UNC5CL: variants seen among roughly 807,000 people sequenced by gnomAD.
UNC5CL encodes unc-5 family C-terminal like.
In UNC5CL, 42 loss-of-function variants were observed where a neutral mutation model predicts 54.1. That is an observed-to-expected ratio of 0.78 (90% CI 0.61 to 1.00). The LOEUF (loss-of-function observed/expected upper bound fraction) is 1.00. Among genes scored for constraint, UNC5CL ranks in the 50% least tolerant of loss-of-function variants. The probability of loss-of-function intolerance (pLI) is 0.00; values close to 1 mark genes in which losing one functional copy is unlikely to be tolerated. For missense variants in UNC5CL, 619 were observed against 675.6 expected, an observed-to-expected ratio of 0.92 and a Z score of 0.93; for synonymous variants, 285 against 285.1, an observed-to-expected ratio of 1.00 and a Z score of 0.00.
At chr6:41,032,006 G>A (rs372193854) in intron 5 of UNC5CL, 30 bp downstream of exon 5, 52 of 1,604,040 alleles carry the variant, frequency 3.2e-5, no homozygotes, top group African/African-American at 8.0e-5. Flanking sequence ...AAAGAGAGGG[G>A]AGGAGGTACA....
intron 1 of UNC5CL, among the ~76,000 whole-genome samples, chr6:41,036,703 G>A (rs1347520016): frequency 6.6e-6 from 1 of 151,568 alleles, no homozygotes; most frequent in African/African-American, 2.4e-5. Context: ...GTAGCTCACA[G>A]GGATAGGCAA....
Position 41,032,047 on chromosome 6 carries a change from C to T in UNC5CL, c.1040G>A (p.Arg347Gln), listed in dbSNP as rs766917050. The change falls in exon 5 of 9, where the codon CGG becomes CAG. Residue 347 changes from arginine to glutamine, a missense_variant. Arg to Gln is a conservative substitution (Grantham distance 43, BLOSUM62 1). Coordinates refer to ENST00000244565, the MANE Select transcript of UNC5CL (RefSeq NM_173561.3). ...GGCTCCCGGACTACCTGCTTTTCTC[C>T]GGAAGCAGAAGGAGCGGAAGGGGCA... Reference protein sequence around the residue: ...GKCPFRSFCFRRKAADENEDC... With the variant: ...GKCPFRSFCFQRKAADENEDC... 8.1e-6 allele frequency: 13 copies of T among 1,613,984 alleles called. No homozygotes were observed. The highest frequency in any genetic ancestry group is 4.5e-5 in the East Asian group (2 of 44,892).
chr6:41,036,796 A>C (rs1762529780), intron 1 of UNC5CL, among the ~76,000 whole-genome samples: 1 of 151,778 alleles, frequency 6.6e-6, no homozygotes. Context: ...ATGCAGCCCT[A>C]CAGTGAAGCT....
chr6:41,035,093 C>A lies in UNC5CL; in HGVS notation c.-19G>T. The A allele has an allele frequency of 6.5e-7, 1 of 1,538,934 alleles. No individual in the cohort carries two copies. Among genetic ancestry groups the A allele is most frequent in the Non-Finnish European group, 8.8e-7 (1 of 1,139,864 alleles). On this transcript the variant is annotated 5_prime_UTR_variant, in exon 2 of 9. Transcript: ENST00000244565. ...GGCACATTCGCCTGGTTACTCAATG[C>A]CGCTGGCTCTCCTTCACCCCTGTGC...
At chr6:41,035,187 G>T in intron 1 of UNC5CL, 52 bp from the exon 2 acceptor site, 1 of 1,388,046 alleles carries the variant, frequency 7.2e-7, no homozygotes, top group Non-Finnish European at 9.6e-7. Context: ...AAGTTGTGGA[G>T]GTCAAGGCTT....
Position 41,034,772 on chromosome 6 carries a change from C to T in UNC5CL, c.303G>A (p.Leu101=). The change falls in exon 2 of 9, where the codon TTG becomes TTA. Residue 101 remains leucine, a synonymous_variant. Transcript: ENST00000244565. The part of the protein sequence containing the change: ...TMVRQLMHKL[L]VFSAREVDHR... ...GATCCACCTCTCGAGCCGAAAACAC[C>T]AACAGTTTGTGCATCAACTGGCGGA... 1 of 1,613,986 alleles carries T rather than the reference C, an allele frequency of 6.2e-7. No individual in the cohort carries two copies. Among genetic ancestry groups the T allele is most frequent in the Non-Finnish European group, 8.5e-7 (1 of 1,180,042 alleles).
chr6:41,035,578 C>A (rs575206219), intron 1 of UNC5CL, among the ~76,000 whole-genome samples: 68 of 152,358 alleles, frequency 4.5e-4, no homozygotes, highest in African/African-American at 1.5e-3. Flanking sequence ...CCTTACAGAG[C>A]AGAGCTAACC....
At chr6:41,034,657 C>G (rs550480000) in intron 2 of UNC5CL, 33 bp downstream of exon 2, 1 of 1,589,584 alleles carries the variant, frequency 6.3e-7, no homozygotes, top group Non-Finnish European at 8.5e-7. Context: ...GTCTGACCAA[C>G]TGTATGCGGA....
intron 6 of UNC5CL, 28 bp from the exon 7 acceptor site, chr6:41,030,783 C>T (rs757790573): frequency 7.0e-5 from 113 of 1,605,908 alleles, no homozygotes; most frequent in Admixed American, 3.3e-4. Context: ...AGGGAACACA[C>T]TTAGGGGTCA....
chr6:41,032,197 G>T, intron 4 of UNC5CL, 60 bp from the exon 5 acceptor site: 1 of 1,372,586 alleles, frequency 7.3e-7, no homozygotes, highest in South Asian at 1.2e-5. Context: ...AAGTATTGAA[G>T]GGGGCTGTGG....
In UNC5CL at chr6:41,033,183, G is replaced by C. The variant is rs748704066; in HGVS notation, c.687-37C>G. 8.1e-6 allele frequency: 13 copies of C among 1,596,168 alleles called. No individual in the cohort carries two copies. The East Asian group carries it at 2.5e-4, about 30-fold the overall frequency. On this transcript the variant is annotated intron_variant, in intron 3 of 8. Coordinates refer to ENST00000244565, the MANE Select transcript of UNC5CL (RefSeq NM_173561.3). The stretch of plus-strand genomic sequence containing the variant: ...GCCAGTGGCAGGCACTAATGTGCAG[G>C]GAAGGCTAAGACACCAACACACTGC...
chr6:41,038,916 G>A (rs1762550755), intron 1 of UNC5CL, among the ~76,000 whole-genome samples: 1 of 152,206 alleles, frequency 6.6e-6, no homozygotes, highest in Non-Finnish European at 1.5e-5. Flanking sequence ...GTACTGGGAT[G>A]GATGGTCCAA....
chr6:41,038,603 A>G (rs1762548159), intron 1 of UNC5CL, among the ~76,000 whole-genome samples: 1 of 152,188 alleles, frequency 6.6e-6, no homozygotes. Context: ...CACTGCAGCC[A>G]TTCGAGTGTG....
rs574778893 is a variant in UNC5CL, at chr6:41,028,716, C to G, written c.1335-121G>C. The G allele has an allele frequency of 2.1e-6, 2 of 937,220 alleles. No individual in the cohort carries two copies. The highest frequency in any genetic ancestry group is 2.6e-5 in the East Asian group (1 of 38,214). 58.1% of individuals were successfully genotyped at this position (937,220 alleles called of 1,614,324 possible). The stretch of plus-strand genomic sequence containing the variant: ...CCCTTCCCCATCCTGTAGCTTTTGT[C>G]CTTGTCCTGCTCTTGCCTGCCTTCC... On this transcript the variant is annotated intron_variant, in intron 8 of 8. Coordinates refer to ENST00000244565, the MANE Select transcript of UNC5CL (RefSeq NM_173561.3). This position sits in a 1 kb window ranked among gnomAD's most constrained non-coding sequence, Gnocchi z 4.3.
rs757000683 is a variant in UNC5CL, at chr6:41,030,395, T to G, written c.1327A>C (p.Lys443Gln). 1 of 1,613,992 alleles carries G rather than the reference T, an allele frequency of 6.2e-7. No individual in the cohort carries two copies. Among genetic ancestry groups the G allele is most frequent in the Non-Finnish European group, 8.5e-7 (1 of 1,179,916 alleles). Residue 443 changes from lysine (K) to glutamine (Q), a missense_variant, in exon 8 of 9, where the codon AAG becomes CAG. Physicochemically the swap from Lys to Gln is moderately conservative, Grantham distance 53. Transcript: ENST00000244565. Reference sequence around the variant, plus strand: ...CCTCACCCCTCTTCCTACCGGATCTTCATGCCGCAAAGCCCCAGGTGGGAG... The same window carrying G: ...CCTCACCCCTCTTCCTACCGGATCTGCATGCCGCAAAGCCCCAGGTGGGAG... ...LASHLGLCGM[K>Q]IRFLSCQRSP... is the part of the protein sequence containing the mutation.
chr6:41,037,415 A>G (rs943319295), intron 1 of UNC5CL, among the ~76,000 whole-genome samples: 1 of 152,162 alleles, frequency 6.6e-6, no homozygotes, highest in Non-Finnish European at 1.5e-5. Context: ...GACTCACTAG[A>G]GGCTGCACTG....
intron 8 of UNC5CL, 69 bp downstream of exon 8, chr6:41,030,319 G>C (rs910518548): frequency 2.8e-6 from 4 of 1,448,144 alleles, no homozygotes; most frequent in Non-Finnish European, 3.9e-6. Context: ...CCAGTCTCCA[G>C]AGTGTCCTGA....
At chr6:41,036,230 G>A (rs1305633678) in intron 1 of UNC5CL, among the ~76,000 whole-genome samples, 3 of 152,088 alleles carry the variant, frequency 2.0e-5, no homozygotes, top group Non-Finnish European at 4.4e-5. Flanking sequence ...ACAGGTAATC[G>A]ATATAAAATT....
intron 1 of UNC5CL, among the ~76,000 whole-genome samples, chr6:41,036,515 T>C (rs976208797): frequency 1.3e-5 from 2 of 152,202 alleles, no homozygotes; most frequent in African/African-American, 4.8e-5. Context: ...ACATCAAGCA[T>C]GTAGTTTGTA....
Sources: allele counts gnomAD v4.1 joint callset (sites outside exome capture counted in the v4.1 genomes callset), GRCh38; gene constraint gnomAD v4.1.1; non-coding constraint Gnocchi (gnomAD v3.1); transcripts MANE v1.5; gene names NCBI Gene and HGNC (gene_info 2026-07-23, HGNC 2026-07-21).